The following DNAH12 variants were observed in gnomAD, a reference collection of about 807,000 sequenced individuals.
The protein encoded by DNAH12 is axonemal beta dynein heavy chain 12.
Under a neutral mutation model 371.5 loss-of-function variants are expected in DNAH12, and 285 were observed. That is an observed-to-expected ratio of 0.77 (90% CI 0.70 to 0.85). The LOEUF (loss-of-function observed/expected upper bound fraction) is 0.85, where lower values mean the gene tolerates loss of function less well. Ranked by LOEUF, DNAH12 falls within the 40% of genes least tolerant of loss-of-function variation. DNAH12 has a pLI of 0.00. For missense variants in DNAH12, 3,611 were observed against 3,689.4 expected (o/e 0.98, Z 0.55); for synonymous variants, 1,200 against 1,213.0 (o/e 0.99, Z 0.22).
At chr3:57,479,061 T>C (rs2066640395) in intron 13 of DNAH12, among the ~76,000 whole-genome samples, 2 of 152,066 alleles carry the variant, frequency 1.3e-5, no homozygotes, top group African/African-American at 2.4e-5. Flanking sequence ...CAGGAACAAA[T>C]TCACACATAA....
At chr3:57,523,557 C>G in intron 4 of DNAH12, 26 bp downstream of exon 4, 2 of 1,565,300 alleles carry the variant, frequency 1.3e-6, no homozygotes, top group Non-Finnish European at 1.7e-6. Context: ...CATTTTCAAA[C>G]AAGAAATATA....
rs544675673 is a variant in DNAH12 at position 57,343,747 on chromosome 3, C to T, written c.9674+8338G>A. 2.0e-4 allele frequency among the ~76,000 whole-genome samples: 30 copies of T among 152,236 alleles called. 1 individual carries two copies. Among genetic ancestry groups the T allele is most frequent in the Middle Eastern group, 6.8e-3 (2 of 294 alleles). On this transcript the variant is annotated intron_variant, in intron 60 of 73. Transcript: ENST00000495027. Reference sequence around the variant, plus strand: ...GGAACTGAATGTCTCGGTATAAAACCCGATTGTACATTTGTTCAGTTCTAA... The same window carrying T: ...GGAACTGAATGTCTCGGTATAAAACTCGATTGTACATTTGTTCAGTTCTAA...
At chr3:57,346,888 A>T (rs1320379337) in intron 60 of DNAH12, among the ~76,000 whole-genome samples, 2 of 136,238 alleles carry the variant, frequency 1.5e-5, no homozygotes, top group African/African-American at 5.0e-5. Context: ...AAGATAAAGA[A>T]GTCAGAATCT....
At chr3:57,517,087 C>T (rs1420813206) in intron 4 of DNAH12, among the ~76,000 whole-genome samples, 2 of 152,150 alleles carry the variant, frequency 1.3e-5, no homozygotes, top group East Asian at 1.9e-4. Flanking sequence ...GGTCTTTCCA[C>T]GGCTGGCTCC....
chr3:57,378,616 G>T (rs1296430977), intron 52 of DNAH12, among the ~76,000 whole-genome samples: 1 of 152,150 alleles, frequency 6.6e-6, no homozygotes, highest in African/African-American at 2.4e-5. Flanking sequence ...CAAAGCCTTT[G>T]TTGCCCTGGT....
intron 39 of DNAH12, among the ~76,000 whole-genome samples, chr3:57,411,700 G>C (rs986150695): frequency 2.6e-5 from 4 of 152,052 alleles, no homozygotes; most frequent in Admixed American, 2.6e-4. Context: ...TAAATAAAAA[G>C]AGGTATTCCA....
rs932519669 is a variant in DNAH12 at position 57,444,917 on chromosome 3, T to C, written c.4426-101A>G. 5.6e-4 allele frequency: 492 copies of C among 876,214 alleles called. 8 individuals are homozygous for C. In the South Asian group the frequency reaches 8.7e-3, roughly 16 times the overall value. The allele number at this position is 876,214 out of a possible 1,614,324, so 54.3% of individuals were successfully genotyped here. ...CCCGGCCTGCCCCACCCCACCCCCC[T>C]GGCTAAAAGTCAAAGTTTATTTTAC... is the stretch of plus-strand genomic sequence containing the variant. On this transcript the variant is annotated intron_variant, in intron 28 of 73. Coordinates refer to ENST00000495027, the MANE Select transcript of DNAH12 (RefSeq NM_001366028.2).
rs1055025975 is a variant in DNAH12 at position 57,391,281 on chromosome 3, G to A, written c.7305+591C>T. Among the ~76,000 whole-genome samples the A allele has an allele frequency of 0.014, 2,180 of 152,146 alleles. 118 individuals carry two copies. In the East Asian group the frequency reaches 0.19, roughly 13 times the overall value. On this transcript the variant is annotated intron_variant, in intron 45 of 73. Transcript: ENST00000495027. ...TTGTCCAGTTTTGTTCAATCCAATG[G>A]AACAAAAATGCTGACCCTCCCCCAA...
intron 22 of DNAH12, among the ~76,000 whole-genome samples, chr3:57,457,041 A>G (rs2065920564): frequency 6.6e-6 from 1 of 152,050 alleles, no homozygotes; most frequent in South Asian, 2.1e-4. Context: ...TTGAAACTGA[A>G]TCTCTGGCAA....
chr3:57,526,535 T>TTG (rs1476148589), intron 2 of DNAH12, among the ~76,000 whole-genome samples: 2 of 149,520 alleles, frequency 1.3e-5, no homozygotes, highest in Non-Finnish European at 3.0e-5. Context: ...ATCTTTTTTT[T>TTG]TTTTTTTTTT....
At chr3:57,478,635 A>C (rs2066621418) in intron 13 of DNAH12, among the ~76,000 whole-genome samples, 1 of 152,150 alleles carries the variant, frequency 6.6e-6, no homozygotes, top group African/African-American at 2.4e-5. Context: ...GATTCACCAA[A>C]GTTGAAATGA....
intron 29 of DNAH12, among the ~76,000 whole-genome samples, chr3:57,443,634 T>C (rs186343378): frequency 2.6e-5 from 4 of 152,250 alleles, no homozygotes; most frequent in Admixed American, 2.0e-4. Context: ...ATATAATGAT[T>C]ACCACAATCT....
At chr3:57,334,435 G>C in intron 62 of DNAH12, 30 bp downstream of exon 62, 1 of 1,516,372 alleles carries the variant, frequency 6.6e-7, no homozygotes, top group Non-Finnish European at 8.8e-7. Context: ...AAATTATCTG[G>C]GTTCCAAATA....
At chr3:57,508,812 T>A (rs562957715) in intron 6 of DNAH12, among the ~76,000 whole-genome samples, 3 of 152,344 alleles carry the variant, frequency 2.0e-5, no homozygotes, top group African/African-American at 7.2e-5. Flanking sequence ...ACTTCCACTG[T>A]GCTTTGGCTC....
chr3:57,530,248 CTATTTA>C (rs1374366922), intron 2 of DNAH12: 2 of 220,206 alleles, frequency 9.1e-6, no homozygotes, highest in African/African-American at 4.6e-5. Flanking sequence ...TTTGTTGTTT[CTATTTA>C]TATCTTATTA....
chr3:57,362,557 T>C (rs2062959558), intron 58 of DNAH12, among the ~76,000 whole-genome samples: 1 of 152,336 alleles, frequency 6.6e-6, no homozygotes, highest in South Asian at 2.1e-4. Flanking sequence ...ATGATCGCCA[T>C]TCTAACTGGT....
At chr3:57,374,669 A>G (rs1236961306) in intron 55 of DNAH12, among the ~76,000 whole-genome samples, 2 of 152,152 alleles carry the variant, frequency 1.3e-5, no homozygotes, top group South Asian at 2.1e-4. Context: ...CAGTAGGAGA[A>G]TACATAAACA....
intron 2 of DNAH12, chr3:57,530,455 C>G: frequency 1.4e-6 from 1 of 709,420 alleles, no homozygotes; most frequent in Non-Finnish European, 2.6e-6. Context: ...GTGATACATG[C>G]CAGATGCTTG....
At chr3:57,318,538 C>A (rs545953332) in intron 65 of DNAH12, among the ~76,000 whole-genome samples, 1 of 151,948 alleles carries the variant, frequency 6.6e-6, no homozygotes, top group Non-Finnish European at 1.5e-5. Context: ...TATACTAGTA[C>A]AGGTTGAGCA....
Sources: allele counts gnomAD v4.1 joint callset (sites outside exome capture counted in the v4.1 genomes callset), GRCh38; gene constraint gnomAD v4.1.1; transcripts MANE v1.5; gene names NCBI Gene and HGNC (gene_info 2026-07-23, HGNC 2026-07-21).